SMARCA2: variants seen among roughly 807,000 people sequenced by gnomAD.
SMARCA2 encodes the protein SWI/SNF related BAF chromatin remodeling complex subunit ATPase 2, also known as SWI/SNF-related matrix-associated actin-dependent regulator of chromatin subfamily A member 2.
Under a neutral mutation model 199.8 loss-of-function variants are expected in SMARCA2, and 61 were observed. The ratio of observed to expected loss-of-function variants is 0.31; its 90% CI spans 0.25 to 0.38. The LOEUF (loss-of-function observed/expected upper bound fraction) is 0.38, where lower values mean the gene tolerates loss of function less well. Among genes scored for constraint, SMARCA2 ranks in the 10% least tolerant of loss-of-function variants. The pLI, the probability that SMARCA2 is intolerant of heterozygous loss-of-function variation, is 1.00. For missense variants in SMARCA2, 1,344 were observed against 2,012.2 expected (o/e 0.67, Z 6.35); for synonymous variants, 935 against 732.0 (o/e 1.28, Z -4.48).
In SMARCA2 at chr9:2,139,098, G is replaced by T. The variant is rs1482388769; in HGVS notation, c.3981+15161G>T. Among the ~76,000 whole-genome samples, 3 of 152,184 alleles carry T rather than the reference G, an allele frequency of 2.0e-5. No individual in the cohort carries two copies. In the East Asian group the frequency reaches 5.8e-4, roughly 29 times the overall value. ...ATGTGATGGACAGGACACCAACATGGTGGAGTCAGTAAAGGGAGCACCTGC... is the reference window on the plus strand; with the variant it reads ...ATGTGATGGACAGGACACCAACATGTTGGAGTCAGTAAAGGGAGCACCTGC... On this transcript the variant is annotated intron_variant, in intron 27 of 33. Transcript: ENST00000349721.
At chr9:2,191,636 T>C (rs964791907) in intron 33 of SMARCA2, 1 of 398,342 alleles carries the variant, frequency 2.5e-6, no homozygotes, top group Non-Finnish European at 4.5e-6. Flanking sequence ...AATGAAAAAC[T>C]ACCAAATCAA....
At chr9:2,127,706 C>T (rs920867780) in intron 27 of SMARCA2, among the ~76,000 whole-genome samples, 4 of 152,200 alleles carry the variant, frequency 2.6e-5, no homozygotes, top group African/African-American at 9.7e-5. Flanking sequence ...GGCTGTGAGC[C>T]CAGGAAAACA....
At chr9:2,180,308 G>C (rs955437773) in intron 29 of SMARCA2, among the ~76,000 whole-genome samples, 10 of 152,072 alleles carry the variant, frequency 6.6e-5, no homozygotes, top group African/African-American at 2.4e-4. Flanking sequence ...GAGGATTTTC[G>C]GTTAATTTAT....
At position 2,186,227 on chromosome 9, in the gene SMARCA2, G is replaced by C. The variant is rs1453680397; in HGVS notation, c.4593G>C (p.Glu1531Asp). The change falls in exon 32 of 34, where the codon GAG becomes GAC. Residue 1531 changes from glutamate to aspartate, a missense_variant and splice_region_variant. By Grantham distance (45) the Glu-to-Asp change is conservative. Coordinates refer to ENST00000349721, the MANE Select transcript of SMARCA2 (RefSeq NM_003070.5). The stretch of plus-strand genomic sequence containing the variant: ...AAGATGAAGAAGAGTCAGAGTCCGA[G>C]GGTAAGCCCAGACATTCGGGTCCTG... The part of the protein sequence containing the change: ...EEEDEEESES[E>D]AKSVKVKIKL... 1 of 1,613,388 alleles carries C rather than the reference G, an allele frequency of 6.2e-7. No individual in the cohort carries two copies. The highest frequency in any genetic ancestry group is 1.1e-5 in the South Asian group (1 of 91,024).
At chr9:2,113,475 C>T (rs929508335) in intron 24 of SMARCA2, among the ~76,000 whole-genome samples, 4 of 152,138 alleles carry the variant, frequency 2.6e-5, no homozygotes, top group Admixed American at 1.3e-4. Flanking sequence ...TTCAGACCAC[C>T]GAAGTGAGAC....
At chr9:2,192,102 T>A (rs1827927435) in intron 33 of SMARCA2, 1 of 161,452 alleles carries the variant, frequency 6.2e-6, no homozygotes, top group Non-Finnish European at 1.3e-5. Context: ...GTGTGCTATG[T>A]CTGACTGGGC....
chr9:2,185,423 C>A (rs1269527468), intron 31 of SMARCA2, among the ~76,000 whole-genome samples: 1 of 152,112 alleles, frequency 6.6e-6, no homozygotes, highest in Non-Finnish European at 1.5e-5. Flanking sequence ...GTCGATGGAC[C>A]CTTGGGTTGC....
intron 13 of SMARCA2, among the ~76,000 whole-genome samples, chr9:2,077,251 A>G (rs558712841): frequency 6.6e-5 from 10 of 152,256 alleles, no homozygotes; most frequent in African/African-American, 2.4e-4. Flanking sequence ...TTTGTATTTA[A>G]CAGTCTAGGA....
intron 27 of SMARCA2, among the ~76,000 whole-genome samples, chr9:2,130,982 C>G (rs955885403): frequency 1.3e-5 from 2 of 152,170 alleles, no homozygotes; most frequent in African/African-American, 2.4e-5. Flanking sequence ...AGCCAAAAAG[C>G]GGGCTGGAGG....
At chr9:2,147,183 A>G (rs964087264) in intron 27 of SMARCA2, among the ~76,000 whole-genome samples, 3 of 151,592 alleles carry the variant, frequency 2.0e-5, no homozygotes, top group Non-Finnish European at 4.4e-5. Context: ...AACTATTTAG[A>G]AAAAGTACAG....
At chr9:2,061,153 C>A in intron 9 of SMARCA2, 167 bp downstream of exon 9, 1 of 614,560 alleles carries the variant, frequency 1.6e-6, no homozygotes, top group Non-Finnish European at 2.8e-6. Flanking sequence ...TGATTAGGTA[C>A]ACTAGACAAC....
chr9:2,064,751 A>G (rs1250749095), intron 9 of SMARCA2, among the ~76,000 whole-genome samples: 1 of 152,200 alleles, frequency 6.6e-6, no homozygotes, highest in East Asian at 1.9e-4. Flanking sequence ...TCCTACAAAG[A>G]GAATTTTCTA....
intron 25 of SMARCA2, among the ~76,000 whole-genome samples, chr9:2,118,184 T>C (rs966384701): frequency 4.6e-5 from 7 of 152,206 alleles, no homozygotes; most frequent in African/African-American, 1.7e-4. Flanking sequence ...AGAGGAGACA[T>C]TACCAGATAT....
chr9:2,127,800 T>C (rs1823762238), intron 27 of SMARCA2, among the ~76,000 whole-genome samples: 1 of 152,182 alleles, frequency 6.6e-6, no homozygotes, highest in Non-Finnish European at 1.5e-5. Context: ...TTGCCAGTGG[T>C]GTTTTGGTTT....
chr9:2,019,299 C>G (rs1818501293), intron 1 of SMARCA2, among the ~76,000 whole-genome samples: 1 of 152,124 alleles, frequency 6.6e-6, no homozygotes, highest in Admixed American at 6.5e-5. Context: ...TGCAGCCTTT[C>G]TCTTATGACT....
chr9:2,132,331 T>C (rs1210846855), intron 27 of SMARCA2, among the ~76,000 whole-genome samples: 2 of 152,240 alleles, frequency 1.3e-5, no homozygotes, highest in Non-Finnish European at 2.9e-5. Context: ...TTAAGTATGA[T>C]CCAGCCTGAA....
In SMARCA2 at chr9:2,058,415, A is replaced by T; in HGVS notation, c.1472A>T (p.Gln491Leu). ...ATWHANTERE[Q>L]KKETERIEKE... ...TGGCATGCCAACACTGAAAGAGAGC[A>T]GAAGAAGGAGACAGAGCGGATTGAA... The change falls in exon 8 of 34, where the codon CAG (glutamine) becomes CTG (leucine). Residue 491 changes from glutamine to leucine, a missense_variant. Coordinates refer to ENST00000349721, the MANE Select transcript of SMARCA2 (RefSeq NM_003070.5). 6.2e-7 allele frequency: 1 copy of T among 1,614,234 alleles called. No homozygotes were observed. The highest frequency in any genetic ancestry group is 8.5e-7 in the Non-Finnish European group (1 of 1,180,028).
intron 14 of SMARCA2, among the ~76,000 whole-genome samples, chr9:2,079,062 C>A (rs1160714201): frequency 6.6e-6 from 1 of 152,116 alleles, no homozygotes; most frequent in Non-Finnish European, 1.5e-5. Context: ...TACTTGTGAA[C>A]GTGAGTCGAG....
chr9:2,155,987 A>T (rs1825340521), intron 27 of SMARCA2, among the ~76,000 whole-genome samples: 1 of 152,092 alleles, frequency 6.6e-6, no homozygotes, highest in African/African-American at 2.4e-5. Context: ...AGTCGGAGGA[A>T]AAAAACTATA....
Sources: gnomAD v4.1 joint callset for allele counts (sites outside exome capture counted in the v4.1 genomes callset) on GRCh38, gnomAD v4.1.1 for gene constraint, MANE v1.5 for transcripts, NCBI Gene and HGNC (gene_info 2026-07-23, HGNC 2026-07-21) for gene names.